Variants in NEK1 observed in about 807,000 individuals in gnomAD.
NEK1 encodes the protein serine/threonine-protein kinase Nek1.
Under a neutral mutation model 182.1 loss-of-function variants are expected in NEK1, and 137 were observed. That is an observed-to-expected ratio of 0.75 (90% CI 0.65 to 0.87). NEK1 has a LOEUF of 0.87. Ranked by LOEUF, NEK1 falls within the 40% of genes least tolerant of loss-of-function variation. The probability of loss-of-function intolerance (pLI) is 0.00; values close to 1 mark genes in which losing one functional copy is unlikely to be tolerated. For synonymous variants in NEK1, 513 were observed against 492.2 expected, an observed-to-expected ratio of 1.04 and a Z score of -0.56; for missense variants, 1,391 against 1,494.4, an observed-to-expected ratio of 0.93 and a Z score of 1.14.
chr4:169,493,741 GAGAA>G (rs1166476984), intron 23 of NEK1, among the ~76,000 whole-genome samples: 1 of 152,098 alleles, frequency 6.6e-6, no homozygotes, highest in Non-Finnish European at 1.5e-5. Context: ...CAAAAATAAA[GAGAA>G]AGAATTTAAA....
intron 23 of NEK1, among the ~76,000 whole-genome samples, chr4:169,488,593 G>A (rs941685528): frequency 7.9e-5 from 12 of 151,998 alleles, no homozygotes; most frequent in African/African-American, 2.9e-4. Flanking sequence ...TTTATCCTTT[G>A]TTAGATTGAA....
chr4:169,534,693 C>A (rs1561363692), intron 19 of NEK1, among the ~76,000 whole-genome samples: 1 of 120,904 alleles, frequency 8.3e-6, no homozygotes, highest in African/African-American at 4.2e-5. Flanking sequence ...CTGTTCTGTA[C>A]TGGCCTGGCC....
intron 12 of NEK1, among the ~76,000 whole-genome samples, chr4:169,569,931 G>A (rs866302758): frequency 5.3e-4 from 80 of 152,276 alleles, no homozygotes; most frequent in African/African-American, 1.8e-3. Flanking sequence ...GGGAAGTGAG[G>A]AGCGTCTCTG....
intron 19 of NEK1, among the ~76,000 whole-genome samples, chr4:169,511,752 C>T (rs928651663): frequency 6.6e-6 from 1 of 152,094 alleles, no homozygotes; most frequent in Non-Finnish European, 1.5e-5. Context: ...TGTATTATTA[C>T]TGGAACACTT....
intron 19 of NEK1, among the ~76,000 whole-genome samples, chr4:169,537,024 T>C (rs1045833583): frequency 1.3e-5 from 2 of 152,178 alleles, no homozygotes; most frequent in Admixed American, 6.5e-5. Context: ...AGATACCACT[T>C]ACGAACTTAC....
chr4:169,588,847 T>C (rs1391290801), intron 7 of NEK1, 112 bp from the exon 8 acceptor site: 1 of 682,402 alleles, frequency 1.5e-6, no homozygotes, highest in Non-Finnish European at 2.6e-6. Flanking sequence ...CATAAGATTA[T>C]AATGACACTG....
At chr4:169,482,347 C>T (rs1748198851) in intron 23 of NEK1, among the ~76,000 whole-genome samples, 2 of 150,006 alleles carry the variant, frequency 1.3e-5, no homozygotes, top group South Asian at 4.3e-4. Flanking sequence ...GAGTGCAGAT[C>T]CAGGCACAAT....
intron 26 of NEK1, among the ~76,000 whole-genome samples, chr4:169,473,627 G>A (rs1746419331): frequency 6.6e-6 from 1 of 152,172 alleles, no homozygotes; most frequent in Admixed American, 6.5e-5. Context: ...GCTCATGCCT[G>A]TAATCCCAGC....
intron 27 of NEK1, among the ~76,000 whole-genome samples, chr4:169,443,000 G>A (rs113894441): frequency 0.012 from 1,900 of 152,214 alleles, 40 homozygotes; most frequent in African/African-American, 0.043. Context: ...TTGCACCAAT[G>A]TACTCTAGCC....
At chr4:169,423,223 C>T (rs1735779598) in intron 31 of NEK1, among the ~76,000 whole-genome samples, 1 of 152,166 alleles carries the variant, frequency 6.6e-6, no homozygotes, top group Admixed American at 6.5e-5. Context: ...TTGCCTCAGC[C>T]TCCCAAATAG....
chr4:169,590,645 G>T, intron 6 of NEK1, 81 bp downstream of exon 6: 4 of 875,952 alleles, frequency 4.6e-6, no homozygotes, highest in Non-Finnish European at 7.2e-6. Flanking sequence ...CACTAAATCA[G>T]GTTCAAAAAT....
intron 18 of NEK1, among the ~76,000 whole-genome samples, chr4:169,547,701 C>T (rs766742001): frequency 2.0e-5 from 3 of 152,130 alleles, no homozygotes; most frequent in Non-Finnish European, 2.9e-5. Flanking sequence ...ATCTTGTCTT[C>T]TCGCTTTATT....
intron 16 of NEK1, 77 bp from the exon 17 acceptor site, chr4:169,556,172 G>C: frequency 1.5e-6 from 2 of 1,333,414 alleles, no homozygotes; most frequent in Non-Finnish European, 2.0e-6. Flanking sequence ...AAAAGAAAAA[G>C]TAAATTTCAA....
intron 12 of NEK1, among the ~76,000 whole-genome samples, chr4:169,573,819 G>A (rs1279015380): frequency 1.3e-5 from 2 of 152,294 alleles, no homozygotes; most frequent in East Asian, 3.9e-4. Context: ...GGCCATAGGT[G>A]AGAGTTTCAA....
At chr4:169,547,337 G>T (rs1461627296) in intron 18 of NEK1, among the ~76,000 whole-genome samples, 1 of 152,208 alleles carries the variant, frequency 6.6e-6, no homozygotes, top group East Asian at 1.9e-4. Context: ...TCTGCAGAGA[G>T]ATCTGCTGTT....
intron 29 of NEK1, among the ~76,000 whole-genome samples, chr4:169,427,389 G>C (rs1013771613): frequency 2.0e-5 from 3 of 152,166 alleles, no homozygotes; most frequent in Non-Finnish European, 4.4e-5. Context: ...GCCTCCCAAA[G>C]TGCTGGGATT....
At chr4:169,578,304 A>C (rs1580913655) in intron 11 of NEK1, among the ~76,000 whole-genome samples, 1 of 152,178 alleles carries the variant, frequency 6.6e-6, no homozygotes, top group Non-Finnish European at 1.5e-5. Context: ...CTTATTTTTA[A>C]TATCTGCCAA....
At chr4:169,585,930 T>C (rs1767456550) in intron 9 of NEK1, among the ~76,000 whole-genome samples, 1 of 152,152 alleles carries the variant, frequency 6.6e-6, no homozygotes, top group African/African-American at 2.4e-5. Flanking sequence ...GTGCCTCTGT[T>C]GTAATGACTA....
At chr4:169,597,840 A>C (rs1367387397) in intron 5 of NEK1, among the ~76,000 whole-genome samples, 1 of 152,090 alleles carries the variant, frequency 6.6e-6, no homozygotes, top group African/African-American at 2.4e-5. Flanking sequence ...AGGCTGAGGC[A>C]GGAGAATGGC....
Sources: gnomAD v4.1 joint callset for allele counts (sites outside exome capture counted in the v4.1 genomes callset) on GRCh38, gnomAD v4.1.1 for gene constraint, MANE v1.5 for transcripts, NCBI Gene and HGNC (gene_info 2026-07-23, HGNC 2026-07-21) for gene names.